The following WWC1 variants were observed in gnomAD, a reference collection of about 807,000 sequenced individuals.
WWC1 encodes the protein protein KIBRA.
In WWC1, 55 loss-of-function variants were observed where a neutral mutation model predicts 138.4. That is an observed-to-expected ratio of 0.40 (90% confidence interval 0.32 to 0.50). The LOEUF (loss-of-function observed/expected upper bound fraction) is 0.50. WWC1 is among the 20% of genes least tolerant of loss of function. The pLI, the probability that WWC1 is intolerant of heterozygous loss-of-function variation, is 0.72. For missense variants in WWC1, 1,226 were observed against 1,420.4 expected (o/e 0.86, Z 2.20); for synonymous variants, 524 against 564.9 (o/e 0.93, Z 1.03).
At chr5:168,387,777 G>T (rs1355167035) in intron 3 of WWC1, among the ~76,000 whole-genome samples, 2 of 152,138 alleles carry the variant, frequency 1.3e-5, no homozygotes, top group Non-Finnish European at 2.9e-5. Context: ...TCACTTTGGG[G>T]ATTAGGACAT....
chr5:168,443,329 ATCG>A (rs1008529768), intron 16 of WWC1, among the ~76,000 whole-genome samples: 5 of 151,402 alleles, frequency 3.3e-5, no homozygotes, highest in Non-Finnish European at 5.9e-5. Context: ...CTTCTTTTTC[ATCG>A]TCATCATCAT....
intron 1 of WWC1, among the ~76,000 whole-genome samples, chr5:168,357,499 CGCGCACGCA>C (rs1561653121): frequency 2.1e-5 from 3 of 139,790 alleles, no homozygotes; most frequent in South Asian, 2.1e-4. Context: ...TGTGTGCGCG[CGCGCACGCA>C]TGCACGTGCG....
At chr5:168,431,549 G>T in intron 15 of WWC1, 105 bp downstream of exon 15, 1 of 1,313,664 alleles carries the variant, frequency 7.6e-7, no homozygotes, top group Non-Finnish European at 1.0e-6. Flanking sequence ...CTGAGCTTCA[G>T]GAAGAAGGTT....
chr5:168,324,653 A>G (rs972083952), intron 1 of WWC1, among the ~76,000 whole-genome samples: 1 of 152,218 alleles, frequency 6.6e-6, no homozygotes, highest in Non-Finnish European at 1.5e-5. Context: ...GGTAAGACAA[A>G]TAGACAACAA....
intron 1 of WWC1, among the ~76,000 whole-genome samples, chr5:168,365,491 T>A (rs908385011): frequency 6.6e-6 from 1 of 152,200 alleles, no homozygotes; most frequent in Non-Finnish European, 1.5e-5. Flanking sequence ...GTATTAAACT[T>A]GGCAGAAGGC....
Position 168,363,961 on chromosome 5 carries a change from C to T in WWC1, c.120-7463C>T, listed in dbSNP as rs79058744. Among the ~76,000 whole-genome samples the T allele has an allele frequency of 5.9e-3, 890 of 152,134 alleles. 14 individuals carry two copies. Among genetic ancestry groups the T allele is most frequent in the African/African-American group, 0.02 (843 of 41,474 alleles). On this transcript the variant is annotated intron_variant, in intron 1 of 22. Transcript: ENST00000265293. The stretch of plus-strand genomic sequence containing the variant: ...TGGTGATGGTGGTGATGATAGCTCA[C>T]GTGTTAAGGATTTGAGATAAAGGGT...
intron 3 of WWC1, among the ~76,000 whole-genome samples, chr5:168,389,224 G>A (rs1310173801): frequency 6.6e-6 from 1 of 152,040 alleles, no homozygotes; most frequent in Non-Finnish European, 1.5e-5. Flanking sequence ...TGAGGCAGGT[G>A]GATCACGAGG....
At chr5:168,337,218 A>G (rs1257713201) in intron 1 of WWC1, among the ~76,000 whole-genome samples, 1 of 152,160 alleles carries the variant, frequency 6.6e-6, no homozygotes, top group Non-Finnish European at 1.5e-5. Flanking sequence ...TCCCACTGGT[A>G]CACGTAGTGG....
chr5:168,339,933 T>TTC (rs748373149), intron 1 of WWC1, among the ~76,000 whole-genome samples: 2 of 124,696 alleles, frequency 1.6e-5, no homozygotes, highest in Non-Finnish European at 1.7e-5. Context: ...CTTTCTCTCT[T>TTC]TCTCTCTCTC....
At chr5:168,366,988 G>A (rs1468585907) in intron 1 of WWC1, among the ~76,000 whole-genome samples, 1 of 151,536 alleles carries the variant, frequency 6.6e-6, no homozygotes, top group Non-Finnish European at 1.5e-5. Context: ...AATAGAGATG[G>A]AGTTTCACCA....
rs1561712366 is a variant in WWC1, at chr5:168,403,060, T to TTCTTTCTTTCTTTCTTTCTTTCTC, written c.591-3117_591-3116insCTCTCTTTCTTTCTTTCTTTCTTT. 1.1e-4 allele frequency among the ~76,000 whole-genome samples: 14 copies of TTCTTTCTTTCTTTCTTTCTTTCTC among 124,038 alleles called. No homozygotes were observed. In the East Asian group the frequency reaches 2.2e-3, roughly 20 times the overall value. The allele number at this position is 124,038 out of a possible 152,430, so 81.4% of individuals were successfully genotyped here. On this transcript the variant is annotated intron_variant, in intron 5 of 22. Coordinates refer to ENST00000265293, the MANE Select transcript of WWC1 (RefSeq NM_015238.3). ...TTTCTTTCTTTCTTTCTTTCTTTCT[T>TTCTTTCTTTCTTTCTTTCTTTCTC]TCTTTCTTTCTTTCTTTCTTTTCTT...
intron 17 of WWC1, among the ~76,000 whole-genome samples, chr5:168,445,568 G>T (rs192970091): frequency 8.6e-5 from 13 of 151,900 alleles, no homozygotes; most frequent in African/African-American, 3.1e-4. Flanking sequence ...AGGCATGGTG[G>T]TGGGCACCTG....
chr5:168,313,904 G>A (rs1231314750), intron 1 of WWC1, among the ~76,000 whole-genome samples: 3 of 152,190 alleles, frequency 2.0e-5, no homozygotes, highest in Non-Finnish European at 4.4e-5. Context: ...AGAGATTGAA[G>A]CCGGGTGGGG....
Position 168,467,931 on chromosome 5 carries a change from G to A in WWC1, c.3242G>A (p.Ser1081Asn). 6.2e-7 allele frequency: 1 copy of A among 1,614,250 alleles called. No homozygotes were observed. Among genetic ancestry groups the A allele is most frequent in the Non-Finnish European group, 8.5e-7 (1 of 1,180,046 alleles). ...GATGTGCACAGGCTCCGAGGCCAGA[G>A]CTGTAAGGAACCCCCAGAAGTTCAG... is the stretch of plus-strand genomic sequence containing the variant. ...AKDVHRLRGQ[S>N]CKEPPEVQSF... Residue 1081 changes from serine (S) to asparagine (N), a missense_variant, in exon 22 of 23, where the codon AGC (serine) becomes AAC (asparagine). By Grantham distance (46) the Ser-to-Asn change is conservative. Around this residue, in one of 3 missense-constraint regions of WWC1, gnomAD observed 206 missense variants for 247.4 expected, o/e 0.83. Transcript: ENST00000265293.
rs1049707007 is a variant in WWC1, at chr5:168,447,076, G to A, written c.2525+2491G>A. On this transcript the variant is annotated intron_variant, in intron 17 of 22. Coordinates refer to ENST00000265293, the MANE Select transcript of WWC1 (RefSeq NM_015238.3). ...CCTGGGTGATTCTAATGTGCAGCCT[G>A]GGCTGAATATCACAGCTGTAAACTT... is the stretch of plus-strand genomic sequence containing the variant. 2.6e-5 allele frequency among the ~76,000 whole-genome samples: 4 copies of A among 152,172 alleles called. No homozygotes were observed. In the East Asian group the frequency reaches 5.8e-4, roughly 22 times the overall value.
At position 168,423,942 on chromosome 5, in the gene WWC1, C is replaced by A; in HGVS notation, c.1684C>A (p.Leu562Ile). 9 of 1,614,198 alleles carry A rather than the reference C, an allele frequency of 5.6e-6. No homozygotes were observed. Among genetic ancestry groups the A allele is most frequent in the Non-Finnish European group, 7.6e-6 (9 of 1,180,044 alleles). ...CCCCCTCCTGGCTGGTGATGCCTTC[C>A]TCAACTCCTTGGAGTTTGAAGACCC... ...ADPLLAGDAF[L>I]NSLEFEDPEL... Residue 562 changes from leucine (L) to isoleucine (I), a missense_variant, in exon 11 of 23, where the codon CTC (leucine) becomes ATC (isoleucine). Physicochemically the swap from Leu to Ile is conservative, Grantham distance 5. Coordinates refer to ENST00000265293, the MANE Select transcript of WWC1 (RefSeq NM_015238.3).
intron 1 of WWC1, among the ~76,000 whole-genome samples, chr5:168,362,638 A>G (rs1031755944): frequency 2.0e-5 from 3 of 152,242 alleles, no homozygotes; most frequent in African/African-American, 7.2e-5. Flanking sequence ...CTAATCCATG[A>G]TTTGGTTCTC....
intron 1 of WWC1, among the ~76,000 whole-genome samples, chr5:168,297,400 G>A (rs1301642496): frequency 4.6e-5 from 7 of 152,152 alleles, no homozygotes; most frequent in African/African-American, 1.4e-4. Context: ...GCTGAGGCGG[G>A]CAGATCACCT....
intron 19 of WWC1, among the ~76,000 whole-genome samples, chr5:168,459,584 G>A (rs1756625705): frequency 6.6e-6 from 1 of 152,186 alleles, no homozygotes; most frequent in Admixed American, 6.5e-5. Flanking sequence ...CACGTAGCAG[G>A]TGCTCTATCC....
Sources: gnomAD v4.1 joint callset for allele counts (sites outside exome capture counted in the v4.1 genomes callset) on GRCh38, gnomAD v4.1.1 for gene constraint, gnomAD v4.1.1 regional missense constraint, MANE v1.5 for transcripts, NCBI Gene and HGNC (gene_info 2026-07-23, HGNC 2026-07-21) for gene names.